The following P3H2 variants were observed in gnomAD, a reference collection of about 807,000 sequenced individuals.
The protein encoded by P3H2 is prolyl 3-hydroxylase 2.
In P3H2, 80 loss-of-function variants were observed where a neutral mutation model predicts 87.0. That is an observed-to-expected ratio of 0.92 (90% confidence interval 0.77 to 1.11). The LOEUF (loss-of-function observed/expected upper bound fraction) is 1.11. Ranked by LOEUF, P3H2 falls within the 50% of genes least tolerant of loss-of-function variation. The pLI is 0.00. For synonymous variants in P3H2, 367 were observed against 359.3 expected, an observed-to-expected ratio of 1.02 and a Z score of -0.24; for missense variants, 1,001 against 923.9, an observed-to-expected ratio of 1.08 and a Z score of -1.08.
intron 13 of P3H2, 47 bp from the exon 14 acceptor site, chr3:189,964,145 C>G: frequency 1.9e-6 from 3 of 1,552,974 alleles, no homozygotes; most frequent in Non-Finnish European, 2.7e-6. Flanking sequence ...GTATCATAAA[C>G]ATTTCCACAA....
At chr3:189,966,079 AAAGG>A (rs1181618582) in intron 13 of P3H2, among the ~76,000 whole-genome samples, 3 of 133,034 alleles carry the variant, frequency 2.3e-5, no homozygotes, top group African/African-American at 9.0e-5. Flanking sequence ...AGAAGGAAAG[AAAGG>A]AAGAAAGAAA....
At chr3:190,009,661 G>A (rs1246809196) in intron 1 of P3H2, among the ~76,000 whole-genome samples, 2 of 152,140 alleles carry the variant, frequency 1.3e-5, no homozygotes, top group Non-Finnish European at 2.9e-5. Flanking sequence ...AGAAATTTTA[G>A]CCAAGTCATT....
intron 1 of P3H2, among the ~76,000 whole-genome samples, chr3:190,010,959 G>A (rs1428823358): frequency 6.6e-6 from 1 of 152,148 alleles, no homozygotes; most frequent in Non-Finnish European, 1.5e-5. Flanking sequence ...GTATCAAAAA[G>A]TGACCTTGGT....
chr3:189,962,366 G>C (rs1722845531), intron 14 of P3H2, among the ~76,000 whole-genome samples: 1 of 151,554 alleles, frequency 6.6e-6, no homozygotes, highest in South Asian at 2.1e-4. Context: ...GTAGAGATGG[G>C]GTTTCACCAT....
chr3:190,051,843 A>G (rs986547295), intron 1 of P3H2, among the ~76,000 whole-genome samples: 7 of 152,142 alleles, frequency 4.6e-5, no homozygotes, highest in African/African-American at 1.7e-4. Flanking sequence ...GAGGCATTTC[A>G]GCTGTGGAGG....
At chr3:190,057,258 A>T (rs1338023752) in intron 1 of P3H2, among the ~76,000 whole-genome samples, 1 of 152,204 alleles carries the variant, frequency 6.6e-6, no homozygotes, top group Non-Finnish European at 1.5e-5. Flanking sequence ...TAGAAATGCA[A>T]ATCTCAAACT....
At chr3:190,052,101 C>A (rs1022275612) in intron 1 of P3H2, among the ~76,000 whole-genome samples, 1 of 152,138 alleles carries the variant, frequency 6.6e-6, no homozygotes, top group African/African-American at 2.4e-5. Flanking sequence ...ACTTTAAGTT[C>A]TGGGATACAC....
intron 14 of P3H2, among the ~76,000 whole-genome samples, chr3:189,962,846 A>G (rs891012489): frequency 2.6e-5 from 4 of 152,226 alleles, no homozygotes; most frequent in Non-Finnish European, 4.4e-5. Flanking sequence ...ATGAAATTGG[A>G]TTCAACTTAG....
chr3:190,026,020 A>C (rs1001074883), intron 1 of P3H2, among the ~76,000 whole-genome samples: 1 of 152,104 alleles, frequency 6.6e-6, no homozygotes, highest in Admixed American at 6.5e-5. Flanking sequence ...TGTTTTTATT[A>C]ACCATTATTT....
chr3:190,090,702 C>CA (rs5855304), intron 1 of P3H2, among the ~76,000 whole-genome samples: 2,618 of 142,988 alleles, frequency 0.018, 69 homozygotes, highest in African/African-American at 0.06. Flanking sequence ...GACTCTGACT[C>CA]AAAAAAAAAA....
Position 189,957,152 on chromosome 3 carries a change from T to C in P3H2, c.*760A>G. On this transcript the variant is annotated 3_prime_UTR_variant, in exon 15 of 15. Transcript: ENST00000319332. Reference sequence around the variant, plus strand: ...AAAGACTGAAGTCCCCTCTGTCTCATACAGTAATCATCCATGAGATCTCCC... The same window carrying C: ...AAAGACTGAAGTCCCCTCTGTCTCACACAGTAATCATCCATGAGATCTCCC... 5.0e-6 allele frequency: 2 copies of C among 398,576 alleles called. No homozygotes were observed. Among genetic ancestry groups the C allele is most frequent in the Non-Finnish European group, 4.4e-6 (1 of 226,138 alleles). The allele number at this position is 398,576 out of a possible 1,614,324, so 24.7% of individuals were successfully genotyped here.
At chr3:190,093,995 G>T in intron 1 of P3H2, among the ~76,000 whole-genome samples, 1 of 113,186 alleles carries the variant, frequency 8.8e-6, no homozygotes, top group South Asian at 2.3e-4. Context: ...ATAAAAAAGT[G>T]GTGCTATGTA....
intron 3 of P3H2, among the ~76,000 whole-genome samples, chr3:189,991,287 T>C (rs1242525914): frequency 6.6e-6 from 1 of 152,236 alleles, no homozygotes; most frequent in Non-Finnish European, 1.5e-5. Flanking sequence ...TTTGGGTAAC[T>C]GGGTGTGTCA....
At chr3:190,053,341 T>A (rs558317380) in intron 1 of P3H2, among the ~76,000 whole-genome samples, 1 of 152,310 alleles carries the variant, frequency 6.6e-6, no homozygotes, top group South Asian at 2.1e-4. Context: ...TATTGAATTT[T>A]AAGAATTCTT....
chr3:190,079,146 G>A (rs1726962669), intron 1 of P3H2, among the ~76,000 whole-genome samples: 1 of 152,032 alleles, frequency 6.6e-6, no homozygotes, highest in African/African-American at 2.4e-5. Context: ...TTCAAGACCA[G>A]CCTGGCCAAC....
intron 8 of P3H2, among the ~76,000 whole-genome samples, chr3:189,978,038 A>G (rs1011304769): frequency 6.6e-5 from 10 of 152,338 alleles, no homozygotes; most frequent in Admixed American, 5.9e-4. Flanking sequence ...GAATATTTGG[A>G]AAAGTGAACT....
At chr3:189,961,292 C>T (rs945044445) in intron 14 of P3H2, among the ~76,000 whole-genome samples, 5 of 152,138 alleles carry the variant, frequency 3.3e-5, no homozygotes, top group African/African-American at 7.2e-5. Flanking sequence ...AAAGCTTTCA[C>T]ATCTGTTGAC....
intron 1 of P3H2, among the ~76,000 whole-genome samples, chr3:190,019,564 C>T (rs1460883323): frequency 7.4e-6 from 1 of 135,816 alleles, no homozygotes; most frequent in African/African-American, 2.5e-5. Context: ...TGCTCATTAT[C>T]GTTTCTATTA....
intron 1 of P3H2, among the ~76,000 whole-genome samples, chr3:190,065,889 T>G (rs1375391462): frequency 1.3e-5 from 2 of 152,100 alleles, no homozygotes; most frequent in Admixed American, 1.3e-4. Context: ...TCCCAGAGAT[T>G]TTCATAGCTT....
Sources: gnomAD v4.1 joint callset for allele counts (sites outside exome capture counted in the v4.1 genomes callset) on GRCh38, gnomAD v4.1.1 for gene constraint, MANE v1.5 for transcripts, NCBI Gene and HGNC (gene_info 2026-07-23, HGNC 2026-07-21) for gene names.